The following TTC6 variants were observed in gnomAD, a reference collection of about 807,000 sequenced individuals.
TTC6 encodes the protein tetratricopeptide repeat protein 6.
A neutral mutation model predicts 210.4 loss-of-function variants in TTC6; 172 were observed. The ratio of observed to expected loss-of-function variants is 0.82; its 90% CI spans 0.72 to 0.93. The LOEUF (loss-of-function observed/expected upper bound fraction) is 0.93, where lower values mean the gene tolerates loss of function less well. Among genes scored for constraint, TTC6 ranks in the 40% least tolerant of loss-of-function variants. The pLI, the probability that TTC6 is intolerant of heterozygous loss-of-function variation, is 0.00. For missense variants in TTC6, 2,414 were observed against 2,318.1 expected, an observed-to-expected ratio of 1.04 and a Z score of -0.85; for synonymous variants, 804 against 819.6, an observed-to-expected ratio of 0.98 and a Z score of 0.32.
At chr14:37,780,508 T>A (rs1424707899) in intron 14 of TTC6, among the ~76,000 whole-genome samples, 1 of 152,228 alleles carries the variant, frequency 6.6e-6, no homozygotes, top group East Asian at 1.9e-4. Context: ...GTGTTCGGTT[T>A]TCTGTTCCTG....
At chr14:37,823,803 C>T (rs1439799974) in exon 27 of TTC6, 4 of 1,613,962 alleles carry the variant, frequency 2.5e-6, no homozygotes, top group African/African-American at 1.3e-5. Context: ...AAAATTAACC[C>T]ATGTTTTCTG....
intron 2 of TTC6, among the ~76,000 whole-genome samples, chr14:37,609,831 G>A (rs1262737263): frequency 6.6e-6 from 1 of 152,092 alleles, no homozygotes; most frequent in East Asian, 1.9e-4. Context: ...TTAATTAGCA[G>A]GGAAAAGTAA....
At chr14:37,741,048 A>T (rs1449220129) in intron 10 of TTC6, among the ~76,000 whole-genome samples, 1 of 152,160 alleles carries the variant, frequency 6.6e-6, no homozygotes, top group Non-Finnish European at 1.5e-5. Flanking sequence ...TGAAATTTGT[A>T]TGTGCTGCCA....
chr14:37,772,224 A>C (rs1396714337), intron 14 of TTC6, among the ~76,000 whole-genome samples: 1 of 152,204 alleles, frequency 6.6e-6, no homozygotes, highest in Non-Finnish European at 1.5e-5. Flanking sequence ...AGATAGGGAC[A>C]TTTAAGTCTG....
intron 6 of TTC6, among the ~76,000 whole-genome samples, chr14:37,718,914 A>G (rs1250020268): frequency 6.6e-6 from 1 of 152,082 alleles, no homozygotes; most frequent in East Asian, 1.9e-4. Flanking sequence ...CCTAGACAAC[A>G]GTGGGATCCC....
chr14:37,631,141 G>C (rs2095669238), intron 1 of TTC6, among the ~76,000 whole-genome samples: 1 of 151,740 alleles, frequency 6.6e-6, no homozygotes, highest in African/African-American at 2.4e-5. Flanking sequence ...GTGTGAATTT[G>C]ATCCTGTCAT....
chr14:37,780,841 G>A (rs554962948), intron 14 of TTC6, among the ~76,000 whole-genome samples: 98 of 152,020 alleles, frequency 6.4e-4, no homozygotes, highest in African/African-American at 2.3e-3. Flanking sequence ...ATGTGTTCTC[G>A]TTGTTCATCT....
In TTC6 at chr14:37,707,453, T is replaced by C. The variant is rs1261367956; in HGVS notation, c.1571+5927T>C. Among the ~76,000 whole-genome samples, 4 of 152,098 alleles carry C rather than the reference T, an allele frequency of 2.6e-5. No individual in the cohort carries two copies. In the East Asian group the frequency reaches 7.7e-4, roughly 29 times the overall value. On this transcript the variant is annotated intron_variant, in intron 5 of 30. Transcript: ENST00000553443. ...TCATTGTTTTGCTTAGATTTATCTCTTAAACCTCTGTACTTCAGTGGTTTC... is the reference window on the plus strand; with the variant it reads ...TCATTGTTTTGCTTAGATTTATCTCCTAAACCTCTGTACTTCAGTGGTTTC...
upstream of TTC6, among the ~76,000 whole-genome samples, chr14:37,619,637 A>G (rs2095648181): frequency 6.6e-6 from 1 of 152,072 alleles, no homozygotes; most frequent in Non-Finnish European, 1.5e-5. Context: ...TTATAATATA[A>G]CTAATATTAT....
chr14:37,671,293 C>T lies in TTC6; in HGVS notation c.940-8858C>T, dbSNP rs949525982. 3.9e-5 allele frequency among the ~76,000 whole-genome samples: 6 copies of T among 152,210 alleles called. No individual in the cohort carries two copies. In the South Asian group the frequency reaches 1.0e-3, roughly 26 times the overall value. ...AATGAGTGATCCAGAGAGGGCAATG[C>T]GGAACTTGCCATATTTTTTTTGAAA... On this transcript the variant is annotated intron_variant, in intron 1 of 30. Transcript: ENST00000553443.
intron 7 of TTC6, among the ~76,000 whole-genome samples, chr14:37,725,348 A>ATATATATATATATATATATATG (rs1555391434): frequency 1.8e-5 from 2 of 113,296 alleles, no homozygotes; most frequent in Non-Finnish European, 3.6e-5. Context: ...ATATATATAT[A>ATATATATATATATATATATATG]TATATATATA....
At chr14:37,669,177 A>G (rs1227744949) in intron 1 of TTC6, among the ~76,000 whole-genome samples, 1 of 152,192 alleles carries the variant, frequency 6.6e-6, no homozygotes, top group African/African-American at 2.4e-5. Flanking sequence ...TAATGGAGTG[A>G]TTTCCTTTTT....
At chr14:37,770,371 T>C (rs1282498729) in intron 14 of TTC6, among the ~76,000 whole-genome samples, 2 of 152,294 alleles carry the variant, frequency 1.3e-5, no homozygotes, top group East Asian at 3.9e-4. Context: ...TGACTTTCTG[T>C]CTCATTGAAC....
intron 3 of TTC6, among the ~76,000 whole-genome samples, chr14:37,683,407 A>G (rs374329075): frequency 2.6e-5 from 4 of 152,212 alleles, no homozygotes; most frequent in African/African-American, 9.6e-5. Flanking sequence ...TCCATTGTTT[A>G]CATAATTTTT....
intron 1 of TTC6, among the ~76,000 whole-genome samples, chr14:37,624,631 C>T (rs1265448638): frequency 2.7e-5 from 4 of 148,526 alleles, no homozygotes; most frequent in Non-Finnish European, 6.0e-5. Context: ...CTTGTGTATT[C>T]TTTTTTTTTT....
At chr14:37,655,506 C>T (rs2095720685) in intron 1 of TTC6, among the ~76,000 whole-genome samples, 2 of 152,154 alleles carry the variant, frequency 1.3e-5, no homozygotes, top group South Asian at 4.1e-4. Context: ...TTTCCCAGAA[C>T]TTCCTTTGTG....
chr14:37,797,593 T>C (rs952479911), intron 20 of TTC6, among the ~76,000 whole-genome samples: 2 of 152,026 alleles, frequency 1.3e-5, no homozygotes, highest in African/African-American at 4.8e-5. Flanking sequence ...CCTCGTCTTT[T>C]GTCTCTGTGG....
intron 2 of TTC6, among the ~76,000 whole-genome samples, chr14:37,610,217 G>C (rs1419318367): frequency 1.3e-5 from 2 of 152,204 alleles, no homozygotes; most frequent in Non-Finnish European, 2.9e-5. Context: ...TCCAAAGCAA[G>C]GCTGTTCAGA....
At chr14:37,677,852 G>A (rs1473784689) in intron 1 of TTC6, among the ~76,000 whole-genome samples, 1 of 151,834 alleles carries the variant, frequency 6.6e-6, no homozygotes, top group African/African-American at 2.4e-5. Flanking sequence ...TTTAGATGAT[G>A]TATGTTCTAT....
Sources: gnomAD v4.1 joint callset for allele counts (sites outside exome capture counted in the v4.1 genomes callset) on GRCh38, gnomAD v4.1.1 for gene constraint, MANE v1.5 for transcripts, NCBI Gene and HGNC (gene_info 2026-07-23, HGNC 2026-07-21) for gene names.